The following CEP41 variants were observed in gnomAD, a reference collection of about 807,000 sequenced individuals.
The protein encoded by CEP41 is centrosomal protein 41.
CEP41 carries 32 observed loss-of-function variants against 44.3 expected under a neutral mutation model. The observed-to-expected ratio is 0.72, with a 90% CI of 0.54 to 0.97. The LOEUF is 0.97. CEP41 is among the 50% of genes least tolerant of loss of function. The pLI is 0.00. For missense variants in CEP41, 432 were observed against 455.2 expected, an observed-to-expected ratio of 0.95 and a Z score of 0.46; for synonymous variants, 151 against 168.5, an observed-to-expected ratio of 0.90 and a Z score of 0.80.
At chr7:130,419,431 T>C in intron 2 of CEP41, 1 of 985,386 alleles carries the variant, frequency 1.0e-6, no homozygotes, top group African/African-American at 1.7e-5. Context: ...ATGCAGCCTA[T>C]CTTACTGTAT....
intron 6 of CEP41, among the ~76,000 whole-genome samples, chr7:130,404,175 A>G (rs951413646): frequency 3.9e-5 from 6 of 152,196 alleles, no homozygotes; most frequent in African/African-American, 1.2e-4. Context: ...TCAGAGCACT[A>G]TGTGTGGCAC....
Position 130,396,275 on chromosome 7 carries a change from T to C in CEP41, c.*2616A>G, listed in dbSNP as rs1554414499. 1 of 454,052 alleles carries C rather than the reference T, an allele frequency of 2.2e-6. No individual in the cohort carries two copies. Among genetic ancestry groups the C allele is most frequent in the East Asian group, 6.9e-5 (1 of 14,390 alleles). The allele number at this position is 454,052 out of a possible 1,614,324, so 28.1% of individuals were successfully genotyped here. On this transcript the variant is annotated 3_prime_UTR_variant, in exon 11 of 11. Transcript: ENST00000223208. The stretch of plus-strand genomic sequence containing the variant: ...AGCTAGTCAACCCCTGAGACGCTGG[T>C]AGGAAGCCATGATCCAGTTGTTGAA...
intron 1 of CEP41, among the ~76,000 whole-genome samples, chr7:130,430,992 C>T: frequency 6.6e-6 from 1 of 152,066 alleles, no homozygotes; most frequent in East Asian, 1.9e-4. Flanking sequence ...CTGAGCCCTT[C>T]CCGCCCCCGG....
intron 2 of CEP41, among the ~76,000 whole-genome samples, chr7:130,423,804 A>AT (rs1401918192): frequency 2.6e-5 from 4 of 152,258 alleles, no homozygotes; most frequent in African/African-American, 9.6e-5. Flanking sequence ...GAACCGACAC[A>AT]TACTACAGCA....
chr7:130,440,857 C>T, intron 1 of CEP41, 77 bp downstream of exon 1: 2 of 1,352,526 alleles, frequency 1.5e-6, no homozygotes, highest in South Asian at 1.1e-5. Context: ...AAGTCGCTGG[C>T]TGCTCTTCCC....
rs1441899051 is a variant in CEP41 at position 130,398,874 on chromosome 7, T to C, written c.*17A>G. The C allele has an allele frequency of 8.1e-6, 13 of 1,613,946 alleles. No homozygotes were observed. The highest frequency in any genetic ancestry group is 1.1e-5 in the Non-Finnish European group (13 of 1,179,890). On this transcript the variant is annotated 3_prime_UTR_variant, in exon 11 of 11. Coordinates refer to ENST00000223208, the MANE Select transcript of CEP41 (RefSeq NM_018718.3). Reference sequence around the variant, plus strand: ...AAAAGAGGAAGAACATTTATTTGCCTAAGTGAGACAAAGTCTTTACTTCCA... The same window carrying C: ...AAAAGAGGAAGAACATTTATTTGCCCAAGTGAGACAAAGTCTTTACTTCCA...
In CEP41 at chr7:130,397,382, T is replaced by TAA. The variant is rs1421045174; in HGVS notation, c.*1507_*1508dup. 1 of 454,094 alleles carries TAA rather than the reference T, an allele frequency of 2.2e-6. No homozygotes were observed. The highest frequency in any genetic ancestry group is 2.0e-5 in the African/African-American group (1 of 49,948). 28.1% of individuals were successfully genotyped at this position (454,094 alleles called of 1,614,324 possible). On this transcript the variant is annotated 3_prime_UTR_variant, in exon 11 of 11. Coordinates refer to ENST00000223208, the MANE Select transcript of CEP41 (RefSeq NM_018718.3). ...ACTTTGGAAATCAAGTAGAGAAGAA[T>TAA]AAACACACTCTAAAACAGAACTGGG...
upstream of CEP41, among the ~76,000 whole-genome samples, chr7:130,441,466 C>G (rs1798167899): frequency 6.6e-6 from 1 of 152,184 alleles, no homozygotes; most frequent in Non-Finnish European, 1.5e-5. Flanking sequence ...GGTTGTTCAG[C>G]AGAAATGGGA....
chr7:130,397,632 T>C lies in CEP41; in HGVS notation c.*1259A>G, dbSNP rs782389756. ...TGGGCTTTTCAGAAGCTGGTTGCCA[T>C]GACAAAGAGCACAATTTATTCCTCA... is the stretch of plus-strand genomic sequence containing the variant. On this transcript the variant is annotated 3_prime_UTR_variant, in exon 11 of 11. Coordinates refer to ENST00000223208, the MANE Select transcript of CEP41 (RefSeq NM_018718.3). The C allele has an allele frequency of 6.6e-6, 3 of 452,110 alleles. No individual in the cohort carries two copies. The highest frequency in any genetic ancestry group is 1.6e-5 in the South Asian group (1 of 64,336). 28.0% of individuals were successfully genotyped at this position (452,110 alleles called of 1,614,324 possible). A position where few individuals can be genotyped will look rare whatever the true frequency, so the allele number is the denominator to read the frequency against.
At chr7:130,432,635 T>A (rs989350146) in intron 1 of CEP41, among the ~76,000 whole-genome samples, 1 of 146,836 alleles carries the variant, frequency 6.8e-6, no homozygotes, top group Non-Finnish European at 1.5e-5. Flanking sequence ...TGGTGGCATG[T>A]GCCTGTGGTC....
chr7:130,402,340 TAACAAAAAAAA>T (rs1164935152), intron 7 of CEP41, among the ~76,000 whole-genome samples: 21 of 75,188 alleles, frequency 2.8e-4, no homozygotes, highest in South Asian at 1.2e-3. Context: ...AGCAAGGTAT[TAACAAAAAAAA>T]AACAAAAAAA....
intron 3 of CEP41, among the ~76,000 whole-genome samples, chr7:130,415,923 T>C (rs1554420794): frequency 6.6e-6 from 1 of 152,226 alleles, no homozygotes; most frequent in Non-Finnish European, 1.5e-5. Flanking sequence ...CATTACATAT[T>C]TTTAAGAAGT....
At position 130,398,938 on chromosome 7, in the gene CEP41, G is replaced by A. The variant is rs782809600; in HGVS notation, c.1075C>T (p.Pro359Ser). The change falls in exon 11 of 11, where the codon CCC becomes TCC. Residue 359 changes from proline (P) to serine (S), a missense_variant. Transcript: ENST00000223208. ...PGGGPASHSN[P>S]RSLSSGHLQG... ...AGGTGACCACTGCTGAGGGAGCGGG[G>A]GTTTGAGTGGCTGGCGGGGCCGCCA... The A allele has an allele frequency of 1.9e-6, 3 of 1,614,254 alleles. No homozygotes were observed. The highest frequency in any genetic ancestry group is 1.1e-5 in the South Asian group (1 of 91,088).
rs117683422 is a variant in CEP41 at position 130,406,668 on chromosome 7, G to A, written c.278-1960C>T. On this transcript the variant is annotated intron_variant, in intron 5 of 10. Transcript: ENST00000223208. ...TTTATTTTGCATATGATATGATAAC[G>A]TACCTAGAAATTTTAAGAGAATGAG... 7.5e-3 allele frequency among the ~76,000 whole-genome samples: 1,139 copies of A among 152,094 alleles called. 7 individuals are homozygous for A. Among genetic ancestry groups the A allele is most frequent in the Non-Finnish European group, 0.011 (748 of 67,990 alleles).
chr7:130,403,946 C>T (rs1054078747), intron 6 of CEP41, among the ~76,000 whole-genome samples: 1 of 152,146 alleles, frequency 6.6e-6, no homozygotes, highest in East Asian at 1.9e-4. Context: ...TTTTATCAGT[C>T]AAAGGGATGG....
chr7:130,440,910 C>T (rs1290690107), intron 1 of CEP41, 24 bp downstream of exon 1: 2 of 1,610,300 alleles, frequency 1.2e-6, no homozygotes, highest in Non-Finnish European at 1.7e-6. Context: ...CCCTCCGGCT[C>T]TCCGGCCGAG....
rs1554417856 is a variant in CEP41 at position 130,404,685 on chromosome 7, G to A, written c.301C>T (p.Pro101Ser). ...GTCCTGGCAGTGGTTTCAGCATCAG[G>A]GTCTGAAGCTGCAGAATCATTGTCT... Reference protein sequence around the residue: ...LEDNDSAASDPDAETTARTNG... With the variant: ...LEDNDSAASDSDAETTARTNG... The change falls in exon 6 of 11, where the codon CCT becomes TCT. Residue 101 changes from proline to serine, a missense_variant. Coordinates refer to ENST00000223208, the MANE Select transcript of CEP41 (RefSeq NM_018718.3). The A allele has an allele frequency of 1.2e-6, 2 of 1,610,712 alleles. No individual in the cohort carries two copies. The highest frequency in any genetic ancestry group is 2.7e-5 in the African/African-American group (2 of 74,814).
At chr7:130,433,140 T>A (rs1797870132) in intron 1 of CEP41, among the ~76,000 whole-genome samples, 1 of 152,054 alleles carries the variant, frequency 6.6e-6, no homozygotes, top group African/African-American at 2.4e-5. Flanking sequence ...GAATTTGAAT[T>A]TAGCACACCA....
At chr7:130,441,170 G>A, upstream of CEP41, 1 of 704,276 alleles carries the variant, frequency 1.4e-6, no homozygotes, top group Middle Eastern at 2.3e-4. Flanking sequence ...TGGTTGCCAA[G>A]GGCAACGCGG....
Sources: gnomAD v4.1 joint callset for allele counts (sites outside exome capture counted in the v4.1 genomes callset) on GRCh38, gnomAD v4.1.1 for gene constraint, MANE v1.5 for transcripts, NCBI Gene and HGNC (gene_info 2026-07-23, HGNC 2026-07-21) for gene names.